PLAGL1: variants seen among roughly 807,000 people sequenced by gnomAD.
The protein encoded by PLAGL1 is zinc finger protein PLAGL1.
PLAGL1 carries 1 observed loss-of-function variant against 4.6 expected under a neutral mutation model. The observed-to-expected ratio is 0.22, with a 90% CI of 0.08 to 1.03. PLAGL1 has a LOEUF of 1.03. Ranked by LOEUF, PLAGL1 falls within the 50% of genes least tolerant of loss-of-function variation. PLAGL1 has a pLI of 0.58. For missense variants in PLAGL1, 464 were observed against 570.4 expected, an observed-to-expected ratio of 0.81 and a Z score of 1.90; for synonymous variants, 240 against 237.8, an observed-to-expected ratio of 1.01 and a Z score of -0.08.
Position 144,050,797 on chromosome 6 carries a change from T to C in PLAGL1, c.-151+13671A>G, listed in dbSNP as rs1385432531. Among the ~76,000 whole-genome samples, 3 of 152,182 alleles carry C rather than the reference T, an allele frequency of 2.0e-5. No individual in the cohort carries two copies. Among genetic ancestry groups the C allele is most frequent in the Non-Finnish European group, 4.4e-5 (3 of 68,032 alleles). ...CTGTTGTCCCAGCTACTCAAGAGGCTGAGGTGGCAGGATCACTTGAGTCTG... is the reference window on the plus strand; with the variant it reads ...CTGTTGTCCCAGCTACTCAAGAGGCCGAGGTGGCAGGATCACTTGAGTCTG... On this transcript the variant is annotated intron_variant, in intron 1 of 3. Coordinates refer to the PLAGL1 transcript ENST00000437412. The surrounding 1 kb of genome is among the most constrained non-coding windows in gnomAD (Gnocchi z 4.3).
intron 1 of PLAGL1, among the ~76,000 whole-genome samples, chr6:143,991,980 A>G (rs1014491155): frequency 2.6e-5 from 4 of 152,232 alleles, no homozygotes; most frequent in Non-Finnish European, 5.9e-5. Context: ...TTCTAGAGGT[A>G]CAGGCTCCAA....
In PLAGL1 at chr6:143,958,114, G is replaced by T. The variant is rs1449388448; in HGVS notation, c.-325+2355C>A. ...GGCCTGTGTCAGAAAACCAATAACA[G>T]GGATAGTGCACCTGGCAGGGGACAC... On this transcript the variant is annotated intron_variant, in intron 6 of 7. Transcript: ENST00000674357. This position sits in a 1 kb window ranked among gnomAD's most constrained non-coding sequence, Gnocchi z 5.1. Among the ~76,000 whole-genome samples the T allele has an allele frequency of 6.6e-6, 1 of 152,180 alleles. No homozygotes were observed. Among genetic ancestry groups the T allele is most frequent in the Non-Finnish European group, 1.5e-5 (1 of 68,030 alleles).
rs1797213359 is a variant in PLAGL1, at chr6:144,036,036, G to C, written c.-151+28432C>G. Among the ~76,000 whole-genome samples, 1 of 152,092 alleles carries C rather than the reference G, an allele frequency of 6.6e-6. No homozygotes were observed. Among genetic ancestry groups the C allele is most frequent in the African/African-American group, 2.4e-5 (1 of 41,416 alleles). On this transcript the variant is annotated intron_variant, in intron 1 of 3. Transcript: ENST00000437412. The surrounding 1 kb of genome is among the most constrained non-coding windows in gnomAD (Gnocchi z 5.1). ...TGGCCATCTGATTACGTGTGGCTTA[G>C]CCTGGAAACCCTCAATGCAGGACTC...
chr6:143,987,250 A>G (rs1381519956), intron 1 of PLAGL1, among the ~76,000 whole-genome samples: 1 of 151,710 alleles, frequency 6.6e-6, no homozygotes, highest in African/African-American at 2.4e-5. Flanking sequence ...TGTCACCCAG[A>G]CTGAAGTGTG....
At chr6:144,041,090 T>C (rs1583840769) in intron 1 of PLAGL1, among the ~76,000 whole-genome samples, 2 of 152,064 alleles carry the variant, frequency 1.3e-5, no homozygotes. Context: ...TGAAGACCAA[T>C]GGGGAGTAGC....
At chr6:144,024,229 T>G (rs1184216572) in intron 1 of PLAGL1, among the ~76,000 whole-genome samples, 1 of 152,216 alleles carries the variant, frequency 6.6e-6, no homozygotes, top group African/African-American at 2.4e-5. Context: ...GGTCAGATTT[T>G]CATGTCTAAT....
At chr6:144,024,127 A>G (rs1290399841) in intron 1 of PLAGL1, among the ~76,000 whole-genome samples, 2 of 152,188 alleles carry the variant, frequency 1.3e-5, no homozygotes. Flanking sequence ...CTATGTGTGT[A>G]TGCACAGGTT....
chr6:144,018,990 C>T (rs1795769374), intron 1 of PLAGL1, among the ~76,000 whole-genome samples: 1 of 151,928 alleles, frequency 6.6e-6, no homozygotes, highest in Admixed American at 6.6e-5. Context: ...GTTATGACCG[C>T]ACCACTATAC....
intron 1 of PLAGL1, among the ~76,000 whole-genome samples, chr6:144,003,094 C>T (rs1793269132): frequency 6.6e-6 from 1 of 151,956 alleles, no homozygotes; most frequent in South Asian, 2.1e-4. Context: ...GAACAGAGTC[C>T]AGAAACAGAC....
Position 144,016,216 on chromosome 6 carries a change from G to A in PLAGL1, c.-150-47238C>T, listed in dbSNP as rs995614631. Among the ~76,000 whole-genome samples the A allele has an allele frequency of 1.3e-5, 2 of 152,188 alleles. No individual in the cohort carries two copies. The highest frequency in any genetic ancestry group is 2.9e-5 in the Non-Finnish European group (2 of 68,030). On this transcript the variant is annotated intron_variant, in intron 1 of 3. Transcript: ENST00000437412. The surrounding 1 kb of genome is among the most constrained non-coding windows in gnomAD (Gnocchi z 4.2). ...GTCTGCAAGCTGAGGAGAAAGGAGA[G>A]CCAGTCCGAGTCCCAAAACTGAAGA...
rs1011171471 is a variant in PLAGL1 at position 144,006,222 on chromosome 6, A to G, written c.-584+1868T>C. 2.6e-5 allele frequency: 4 copies of G among 152,108 alleles called. No individual in the cohort carries two copies. Among genetic ancestry groups the G allele is most frequent in the African/African-American group, 9.7e-5 (4 of 41,436 alleles). 9.4% of individuals were successfully genotyped at this position (152,108 alleles called of 1,614,324 possible). A position where few individuals can be genotyped will look rare whatever the true frequency, so the allele number is the denominator to read the frequency against. On this transcript the variant is annotated intron_variant, in intron 1 of 7. Transcript: ENST00000674357. The surrounding 1 kb of genome is among the most constrained non-coding windows in gnomAD (Gnocchi z 4.3). ...CTGAGCAAGATTTTTTTTTTCTAAA[A>G]AGAAGCCAGGAAATAAGAATAACAG...
In PLAGL1 at chr6:144,027,047, C is replaced by T. The variant is rs891137068; in HGVS notation, c.-151+37421G>A. 4.6e-5 allele frequency among the ~76,000 whole-genome samples: 7 copies of T among 151,676 alleles called. No homozygotes were observed. Among genetic ancestry groups the T allele is most frequent in the East Asian group, 1.9e-4 (1 of 5,172 alleles). On this transcript the variant is annotated intron_variant, in intron 1 of 3. Coordinates refer to the PLAGL1 transcript ENST00000437412. The surrounding 1 kb of genome is among the most constrained non-coding windows in gnomAD (Gnocchi z 5.8). Reference sequence around the variant, plus strand: ...GGTAAAAAAGTAAGACCCCACCCCCCGACTCTACAAAAACAAAATTAAAAA... The same window carrying T: ...GGTAAAAAAGTAAGACCCCACCCCCTGACTCTACAAAAACAAAATTAAAAA...
In PLAGL1 at chr6:143,950,237, C is replaced by A. The variant is rs1384449578; in HGVS notation, c.-324-1777G>T. Among the ~76,000 whole-genome samples, 2 of 152,192 alleles carry A rather than the reference C, an allele frequency of 1.3e-5. No homozygotes were observed. The highest frequency in any genetic ancestry group is 3.8e-4 in the East Asian group (2 of 5,198). ...TTTGTGACGGCTGTGATTCTAGCAG[C>A]ACACACAACCTCTGCAATTATGTGT... On this transcript the variant is annotated intron_variant, in intron 6 of 7. Transcript: ENST00000674357. The surrounding 1 kb of genome is among the most constrained non-coding windows in gnomAD (Gnocchi z 6.3).
intron 1 of PLAGL1, among the ~76,000 whole-genome samples, chr6:144,021,248 T>C (rs755311738): frequency 1.2e-4 from 18 of 152,164 alleles, no homozygotes; most frequent in South Asian, 6.2e-4. Context: ...ACATGCTGGA[T>C]TTATTTGATA....
rs149859395 is a variant in PLAGL1, at chr6:143,989,778, T to G, written c.-583-4604A>C. Among the ~76,000 whole-genome samples, 1 of 152,372 alleles carries G rather than the reference T, an allele frequency of 6.6e-6. No homozygotes were observed. Among genetic ancestry groups the G allele is most frequent in the East Asian group, 1.9e-4 (1 of 5,188 alleles). ...TCAAATTCACTTGGGTTCTAGAAAC[T>G]GCCCAACAATTATGCAACATTTCCC... On this transcript the variant is annotated intron_variant, in intron 1 of 7. Transcript: ENST00000674357. This position sits in a 1 kb window ranked among gnomAD's most constrained non-coding sequence, Gnocchi z 4.8.
In PLAGL1 at chr6:144,005,577, A is replaced by G. The variant is rs973106940; in HGVS notation, c.-584+2513T>C. On this transcript the variant is annotated intron_variant, in intron 1 of 7. Transcript: ENST00000674357. The surrounding 1 kb of genome is among the most constrained non-coding windows in gnomAD (Gnocchi z 4.6). Reference sequence around the variant, plus strand: ...TTAAAGAACAAAATGTGGACAAAACATAAACTTAAAAATTCTTAGAAAAAT... The same window carrying G: ...TTAAAGAACAAAATGTGGACAAAACGTAAACTTAAAAATTCTTAGAAAAAT... 2 of 152,202 alleles carry G rather than the reference A, an allele frequency of 1.3e-5. No homozygotes were observed. Among genetic ancestry groups the G allele is most frequent in the African/African-American group, 2.4e-5 (1 of 41,460 alleles). 9.4% of individuals were successfully genotyped at this position (152,202 alleles called of 1,614,324 possible).
Position 143,941,562 on chromosome 6 carries a change from C to T in PLAGL1, c.1254G>A (p.Leu418=), listed in dbSNP as rs762482586. Residue 418 remains leucine (L), a synonymous_variant, in exon 8 of 8, where the codon CTG becomes CTA. Coordinates refer to ENST00000674357, the MANE Select transcript of PLAGL1 (RefSeq NM_001317162.2). This position sits in a 1 kb window ranked among gnomAD's most constrained non-coding sequence, Gnocchi z 6.0. ...GTGGGGGTTCTTGCTGCTGCTGCCC[C>T]AGACAGCTTAACCTGTGGGGCAAAG... ...GESLPHRLSC[L]GQQQQEPPLA... is the part of the protein sequence containing the mutation. 4.8e-5 allele frequency: 77 copies of T among 1,588,836 alleles called. No homozygotes were observed. The highest frequency in any genetic ancestry group is 6.5e-5 in the Non-Finnish European group (76 of 1,166,616).
In PLAGL1 at chr6:144,063,961, C is replaced by T. The variant is rs1221483859; in HGVS notation, c.-151+507G>A. On this transcript the variant is annotated intron_variant, in intron 1 of 3. Transcript: ENST00000437412. The surrounding 1 kb of genome is among the most constrained non-coding windows in gnomAD (Gnocchi z 5.7). The stretch of plus-strand genomic sequence containing the variant: ...CACTTTGTTCCCATTAACTCAGTCT[C>T]TGGGAGACGGGCTAAGCTGGCACTT... 1.3e-5 allele frequency among the ~76,000 whole-genome samples: 2 copies of T among 152,216 alleles called. No homozygotes were observed. The highest frequency in any genetic ancestry group is 6.5e-5 in the Admixed American group (1 of 15,290).
chr6:143,969,809 ATT>A (rs146695526), intron 2 of PLAGL1, among the ~76,000 whole-genome samples: 4 of 147,622 alleles, frequency 2.7e-5, no homozygotes, highest in East Asian at 2.0e-4. Flanking sequence ...CTTAACTTCA[ATT>A]TTTTTTTTTT....
Sources: gnomAD v4.1 joint callset for allele counts (sites outside exome capture counted in the v4.1 genomes callset) on GRCh38, gnomAD v4.1.1 for gene constraint, Gnocchi (gnomAD v3.1) non-coding constraint, MANE v1.5 for transcripts, NCBI Gene and HGNC (gene_info 2026-07-23, HGNC 2026-07-21) for gene names.